FRMD4A: variants seen among roughly 807,000 people sequenced by gnomAD.
The protein encoded by FRMD4A is FERM domain-containing protein 4A.
Under a neutral mutation model 129.1 loss-of-function variants are expected in FRMD4A, and 29 were observed. That is an observed-to-expected ratio of 0.22 (90% confidence interval 0.17 to 0.31). The LOEUF is 0.31. Among genes scored for constraint, FRMD4A ranks in the 10% least tolerant of loss-of-function variants. The probability of loss-of-function intolerance (pLI) is 1.00; values close to 1 mark genes in which losing one functional copy is unlikely to be tolerated. For synonymous variants in FRMD4A, 634 were observed against 571.6 expected, an observed-to-expected ratio of 1.11 and a Z score of -1.56; for missense variants, 1,272 against 1,375.8, an observed-to-expected ratio of 0.92 and a Z score of 1.19.
Position 13,646,820 on chromosome 10 carries a change from A to T in FRMD4A, c.*218T>A, listed in dbSNP as rs1478557048. The T allele has an allele frequency of 6.2e-6, 1 of 160,676 alleles. No individual in the cohort carries two copies. The highest frequency in any genetic ancestry group is 1.3e-5 in the Non-Finnish European group (1 of 75,304). 10.0% of individuals were successfully genotyped at this position (160,676 alleles called of 1,614,324 possible). The stretch of plus-strand genomic sequence containing the variant: ...GGGAATGCGGAGACAGGAGAAAAAA[A>T]GTGCTGAGGGCCAAAGCTGGTGCAG... On this transcript the variant is annotated 3_prime_UTR_variant, in exon 25 of 25. Coordinates refer to ENST00000357447, the MANE Select transcript of FRMD4A (RefSeq NM_018027.5).
chr10:14,180,667 C>T (rs1040550034), intron 2 of FRMD4A, among the ~76,000 whole-genome samples: 6 of 152,218 alleles, frequency 3.9e-5, no homozygotes, highest in East Asian at 1.9e-4. Flanking sequence ...CCAATGGATA[C>T]GATTCCTAAT....
In FRMD4A at chr10:14,273,003, C is replaced by T. The variant is rs577832177; in HGVS notation, c.45+57055G>A. On this transcript the variant is annotated intron_variant, in intron 2 of 24. Coordinates refer to ENST00000357447, the MANE Select transcript of FRMD4A (RefSeq NM_018027.5). ...ACCTGAGGCAGACGGATTGCCTGAGCTCAGGAGTTCAAGACCAGCCTGAGC... is the reference window on the plus strand; with the variant it reads ...ACCTGAGGCAGACGGATTGCCTGAGTTCAGGAGTTCAAGACCAGCCTGAGC... Among the ~76,000 whole-genome samples, 3 of 152,066 alleles carry T rather than the reference C, an allele frequency of 2.0e-5. No homozygotes were observed. The East Asian group carries it at 5.8e-4, about 29-fold the overall frequency.
chr10:14,088,267 C>T (rs978679037), intron 2 of FRMD4A, among the ~76,000 whole-genome samples: 2 of 151,736 alleles, frequency 1.3e-5, no homozygotes, highest in South Asian at 2.1e-4. Flanking sequence ...GGCAACATGA[C>T]GAAACCCTGT....
At chr10:14,097,855 C>T (rs965796251) in intron 2 of FRMD4A, among the ~76,000 whole-genome samples, 1 of 146,206 alleles carries the variant, frequency 6.8e-6, no homozygotes, top group South Asian at 2.1e-4. Context: ...ACGTATATGT[C>T]AATAATAATT....
chr10:14,250,634 C>T (rs892655136), intron 2 of FRMD4A, among the ~76,000 whole-genome samples: 1 of 152,232 alleles, frequency 6.6e-6, no homozygotes. Context: ...CAAGCAAGCT[C>T]TTCTAGAGAA....
chr10:13,695,645 T>C (rs2086153682), intron 14 of FRMD4A, among the ~76,000 whole-genome samples: 1 of 152,260 alleles, frequency 6.6e-6, no homozygotes, highest in Admixed American at 6.5e-5. Flanking sequence ...CTTGCTCATC[T>C]GTCCTTTCTG....
At position 13,690,551 on chromosome 10, in the gene FRMD4A, G is replaced by A. The variant is rs931675651; in HGVS notation, c.1117+3347C>T. 4.6e-5 allele frequency among the ~76,000 whole-genome samples: 7 copies of A among 152,214 alleles called. No homozygotes were observed. In the South Asian group the frequency reaches 8.3e-4, roughly 18 times the overall value. Reference sequence around the variant, plus strand: ...GGAGGTGGGTGTGGGGCACCCCAAGGAGCCTCCACCCTGGCACTAAAGGAT... The same window carrying A: ...GGAGGTGGGTGTGGGGCACCCCAAGAAGCCTCCACCCTGGCACTAAAGGAT... On this transcript the variant is annotated intron_variant, in intron 15 of 24. Coordinates refer to ENST00000357447, the MANE Select transcript of FRMD4A (RefSeq NM_018027.5).
At chr10:13,689,891 G>A (rs1162815775) in intron 15 of FRMD4A, among the ~76,000 whole-genome samples, 1 of 151,564 alleles carries the variant, frequency 6.6e-6, no homozygotes, top group African/African-American at 2.4e-5. Flanking sequence ...GCACATGCAG[G>A]AGTCTTATTA....
At chr10:13,706,780 G>A (rs1402829015) in intron 13 of FRMD4A, among the ~76,000 whole-genome samples, 3 of 70,966 alleles carry the variant, frequency 4.2e-5, no homozygotes, top group East Asian at 7.7e-4. Flanking sequence ...ACACACACAC[G>A]AGCCAGGGAC....
intron 2 of FRMD4A, among the ~76,000 whole-genome samples, chr10:13,879,133 T>C (rs2094520499): frequency 1.3e-5 from 2 of 152,190 alleles, no homozygotes; most frequent in South Asian, 4.1e-4. Context: ...AATAAATCTA[T>C]TTAAATATGA....
rs114004332 is a variant in FRMD4A at position 13,857,624 on chromosome 10, C to T, written c.111+1223G>A. Among the ~76,000 whole-genome samples, 602 of 152,228 alleles carry T rather than the reference C, an allele frequency of 4.0e-3. 4 individuals carry two copies. The highest frequency in any genetic ancestry group is 0.014 in the African/African-American group (572 of 41,530). On this transcript the variant is annotated intron_variant, in intron 3 of 24. Transcript: ENST00000357447. ...GCAGCATGTACAAGGCAACGCAAGA[C>T]GAAAGTGTCTGCATGCGAGTTTCCC...
chr10:14,161,775 C>A (rs994263089), intron 2 of FRMD4A, among the ~76,000 whole-genome samples: 1 of 151,994 alleles, frequency 6.6e-6, no homozygotes. Flanking sequence ...TGATAGCCAA[C>A]AACATTATAT....
At chr10:14,259,351 T>C (rs1028211440) in intron 2 of FRMD4A, among the ~76,000 whole-genome samples, 3 of 152,184 alleles carry the variant, frequency 2.0e-5, no homozygotes, top group African/African-American at 7.2e-5. Flanking sequence ...TTGAAGAATA[T>C]ACAAATCTTT....
At chr10:13,666,676 A>C (rs925173653) in intron 17 of FRMD4A, among the ~76,000 whole-genome samples, 1 of 152,028 alleles carries the variant, frequency 6.6e-6, no homozygotes, top group Non-Finnish European at 1.5e-5. Flanking sequence ...AGTGACTGTC[A>C]CTTCCTTTCC....
Position 13,846,108 on chromosome 10 carries a change from C to T in FRMD4A, c.111+12739G>A, listed in dbSNP as rs148119445. The stretch of plus-strand genomic sequence containing the variant: ...AAAAGATGACTCAGCACATATTAAA[C>T]GCTTAGAACAGAGTCTGGTACAAAA... On this transcript the variant is annotated intron_variant, in intron 3 of 24. Coordinates refer to ENST00000357447, the MANE Select transcript of FRMD4A (RefSeq NM_018027.5). Among the ~76,000 whole-genome samples the T allele has an allele frequency of 9.9e-3, 1,511 of 152,294 alleles. 7 individuals are homozygous for T. The highest frequency in any genetic ancestry group is 0.016 in the Non-Finnish European group (1,117 of 68,028).
chr10:13,986,946 G>T (rs547822591), intron 2 of FRMD4A, among the ~76,000 whole-genome samples: 2 of 152,132 alleles, frequency 1.3e-5, no homozygotes, highest in East Asian at 3.9e-4. Flanking sequence ...CACCTGCAGG[G>T]CATGGAAAAA....
At chr10:13,781,213 A>C (rs932950930) in intron 6 of FRMD4A, among the ~76,000 whole-genome samples, 1 of 146,168 alleles carries the variant, frequency 6.8e-6, no homozygotes. Context: ...GTGAAGTAGG[A>C]GGATCACTTG....
intron 6 of FRMD4A, among the ~76,000 whole-genome samples, chr10:13,768,510 G>A (rs924761357): frequency 4.6e-5 from 7 of 152,194 alleles, no homozygotes; most frequent in Admixed American, 3.9e-4. Context: ...ATAGTAGGTC[G>A]AGAAGATTTT....
At chr10:13,747,968 T>A (rs2091374868) in intron 8 of FRMD4A, 149 bp from the exon 9 acceptor site, 2 of 630,600 alleles carry the variant, frequency 3.2e-6, no homozygotes, top group Admixed American at 4.8e-5. Flanking sequence ...GCTCTCTTTT[T>A]ATTTCCGAAA....
Sources: allele counts gnomAD v4.1 joint callset (sites outside exome capture counted in the v4.1 genomes callset), GRCh38; gene constraint gnomAD v4.1.1; transcripts MANE v1.5; gene names NCBI Gene and HGNC (gene_info 2026-07-23, HGNC 2026-07-21).